Variants in INSYN2B observed in about 807,000 individuals in gnomAD.
The protein encoded by INSYN2B is inhibitory synaptic factor family member 2B, also known as protein INSYN2B.
INSYN2B carries 16 observed loss-of-function variants against 41.2 expected under a neutral mutation model. The observed-to-expected ratio is 0.39, with a 90% confidence interval of 0.26 to 0.59. The LOEUF (loss-of-function observed/expected upper bound fraction) is 0.59. Among genes scored for constraint, INSYN2B ranks in the 20% least tolerant of loss-of-function variants. The pLI is 0.57. For synonymous variants in INSYN2B, 245 were observed against 244.4 expected, an observed-to-expected ratio of 1.00 and a Z score of -0.02; for missense variants, 608 against 646.4, an observed-to-expected ratio of 0.94 and a Z score of 0.64.
chr5:169,912,251 G>A (rs1283846939), intron 1 of INSYN2B, among the ~76,000 whole-genome samples: 1 of 151,916 alleles, frequency 6.6e-6, no homozygotes, highest in Non-Finnish European at 1.5e-5. Context: ...TAGAAAATGG[G>A]GTCTCACTGT....
At chr5:169,929,118 C>T (rs927947729) in intron 1 of INSYN2B, among the ~76,000 whole-genome samples, 2 of 152,172 alleles carry the variant, frequency 1.3e-5, no homozygotes, top group African/African-American at 4.8e-5. Context: ...TGAAAGGGAA[C>T]CAGAGTGCCT....
intron 1 of INSYN2B, among the ~76,000 whole-genome samples, chr5:169,961,716 G>A (rs528985460): frequency 1.3e-5 from 2 of 152,190 alleles, no homozygotes; most frequent in Non-Finnish European, 2.9e-5. Context: ...AGTGGCTCAC[G>A]CCCGTAATCC....
At chr5:169,890,325 T>C (rs1341657323) in intron 1 of INSYN2B, among the ~76,000 whole-genome samples, 1 of 152,206 alleles carries the variant, frequency 6.6e-6, no homozygotes, top group East Asian at 1.9e-4. Flanking sequence ...TAAGGAGCCA[T>C]TTACTGTTGA....
chr5:169,873,609 G>A (rs1200292757), intron 3 of INSYN2B, among the ~76,000 whole-genome samples: 3 of 152,206 alleles, frequency 2.0e-5, no homozygotes, highest in African/African-American at 7.2e-5. Flanking sequence ...CTGGCTCCAC[G>A]CTGGGACACT....
At chr5:169,964,925 C>A (rs1777239846) in intron 1 of INSYN2B, among the ~76,000 whole-genome samples, 1 of 152,238 alleles carries the variant, frequency 6.6e-6, no homozygotes, top group Non-Finnish European at 1.5e-5. Flanking sequence ...TCGCTCATGA[C>A]TATTATTCTG....
At chr5:169,867,702 G>A (rs954410391) in intron 3 of INSYN2B, among the ~76,000 whole-genome samples, 11 of 151,798 alleles carry the variant, frequency 7.2e-5, no homozygotes, top group South Asian at 2.1e-4. Context: ...CACATAGATC[G>A]CACACATACA....
chr5:169,871,158 A>C (rs977921256), intron 3 of INSYN2B, among the ~76,000 whole-genome samples: 1 of 152,192 alleles, frequency 6.6e-6, no homozygotes, highest in African/African-American at 2.4e-5. Flanking sequence ...AAATATCATC[A>C]CATGGGGCAT....
At chr5:169,868,645 C>G (rs376913803) in intron 3 of INSYN2B, among the ~76,000 whole-genome samples, 3 of 152,222 alleles carry the variant, frequency 2.0e-5, no homozygotes, top group East Asian at 3.9e-4. Context: ...GTGATCCCAG[C>G]TACTTGGGAG....
chr5:169,886,476 A>G (rs1399764137), intron 1 of INSYN2B, among the ~76,000 whole-genome samples: 1 of 152,208 alleles, frequency 6.6e-6, no homozygotes, highest in Non-Finnish European at 1.5e-5. Context: ...CTTCCTCCTC[A>G]GATAATAATT....
chr5:169,974,380 G>GT (rs1401954838), intron 1 of INSYN2B, among the ~76,000 whole-genome samples: 2 of 152,126 alleles, frequency 1.3e-5, no homozygotes, highest in Non-Finnish European at 2.9e-5. Context: ...CTTTCTTCTG[G>GT]TTTTTTCTTC....
intron 1 of INSYN2B, among the ~76,000 whole-genome samples, chr5:169,938,857 TTC>T (rs1776105919): frequency 6.6e-6 from 1 of 151,938 alleles, no homozygotes; most frequent in Non-Finnish European, 1.5e-5. Flanking sequence ...CAAAAATATT[TTC>T]TTTCTTCATA....
intron 1 of INSYN2B, among the ~76,000 whole-genome samples, chr5:169,947,464 T>C (rs1230917905): frequency 6.6e-6 from 1 of 152,178 alleles, no homozygotes; most frequent in African/African-American, 2.4e-5. Flanking sequence ...GTTTTACAGA[T>C]GGTGAAAGCA....
At chr5:169,893,943 T>C (rs1201487173) in intron 1 of INSYN2B, among the ~76,000 whole-genome samples, 1 of 152,076 alleles carries the variant, frequency 6.6e-6, no homozygotes, top group Non-Finnish European at 1.5e-5. Context: ...AATCTCTTCC[T>C]GTAGATTGTC....
Position 169,864,358 on chromosome 5 carries a change from G to T in INSYN2B, c.1523C>A (p.Ser508Tyr). The T allele has an allele frequency of 1.3e-6, 2 of 1,551,522 alleles. No individual in the cohort carries two copies. The highest frequency in any genetic ancestry group is 1.7e-6 in the Non-Finnish European group (2 of 1,146,872). Residue 508 changes from serine to tyrosine, a missense_variant, in exon 4 of 4, where the codon TCC (serine) becomes TAC (tyrosine). Transcript: ENST00000377365. ...TTCCGGGGCTGGGGGTTCTGCTGGGGACTTTGGTGGGGGCGATGCCTCCTC... is the reference window on the plus strand; with the variant it reads ...TTCCGGGGCTGGGGGTTCTGCTGGGTACTTTGGTGGGGGCGATGCCTCCTC... ...PVEEASPPPK[S>Y]PAEPPAPEKQ...
intron 3 of INSYN2B, 91 bp downstream of exon 3, chr5:169,881,277 T>G (rs1772630990): frequency 9.2e-7 from 1 of 1,091,392 alleles, no homozygotes; most frequent in African/African-American, 1.6e-5. Flanking sequence ...TTTGCCTCTC[T>G]TGACTTTTTG....
intron 1 of INSYN2B, among the ~76,000 whole-genome samples, chr5:169,916,916 CATA>C (rs1371202516): frequency 6.6e-6 from 1 of 152,146 alleles, no homozygotes. Flanking sequence ...CTCTGGAACC[CATA>C]ATTTTAGCCA....
chr5:169,910,119 T>G (rs764347292), intron 1 of INSYN2B, among the ~76,000 whole-genome samples: 1 of 152,198 alleles, frequency 6.6e-6, no homozygotes, highest in Non-Finnish European at 1.5e-5. Context: ...TGGTGTTAGC[T>G]GAGCCATATG....
intron 1 of INSYN2B, among the ~76,000 whole-genome samples, chr5:169,900,223 A>G (rs1773845801): frequency 6.6e-6 from 1 of 152,190 alleles, no homozygotes; most frequent in African/African-American, 2.4e-5. Context: ...GTATTGTAGA[A>G]ATCCACCATC....
At chr5:169,879,127 C>T (rs1041823205) in intron 3 of INSYN2B, among the ~76,000 whole-genome samples, 4 of 152,140 alleles carry the variant, frequency 2.6e-5, no homozygotes, top group South Asian at 2.1e-4. Flanking sequence ...CTTAGGAAAC[C>T]GTATGCATGG....
Sources: allele counts gnomAD v4.1 joint callset (sites outside exome capture counted in the v4.1 genomes callset), GRCh38; gene constraint gnomAD v4.1.1; transcripts MANE v1.5; gene names NCBI Gene and HGNC (gene_info 2026-07-23, HGNC 2026-07-21).